ACOX3: variants seen among roughly 807,000 people sequenced by gnomAD.
ACOX3 encodes the protein peroxisomal acyl-coenzyme A oxidase 3.
A neutral mutation model predicts 81.5 loss-of-function variants in ACOX3; 73 were observed. The observed-to-expected ratio is 0.90, with a 90% CI of 0.74 to 1.09. The LOEUF (loss-of-function observed/expected upper bound fraction) is 1.09, where lower values mean the gene tolerates loss of function less well. Ranked by LOEUF, ACOX3 falls within the 50% of genes least tolerant of loss-of-function variation. The pLI, the probability that ACOX3 is intolerant of heterozygous loss-of-function variation, is 0.00. For synonymous variants in ACOX3, 387 were observed against 375.1 expected, an observed-to-expected ratio of 1.03 and a Z score of -0.37; for missense variants, 947 against 928.0, an observed-to-expected ratio of 1.02 and a Z score of -0.27.
In ACOX3 at chr4:8,366,921, CT is replaced by C; in HGVS notation, c.*39del. The C allele has an allele frequency of 6.2e-7, 1 of 1,610,038 alleles. No individual in the cohort carries two copies. The highest frequency in any genetic ancestry group is 8.5e-7 in the Non-Finnish European group (1 of 1,177,300). On this transcript the variant is annotated 3_prime_UTR_variant, in exon 18 of 18. Coordinates refer to ENST00000356406, the MANE Select transcript of ACOX3 (RefSeq NM_003501.3). ...TTGAGGTCCACGTCTGATTAGTTCCCTTCGTTTCATTAGACTTGGCTGAATG... is the reference window on the plus strand; with the variant it reads ...TTGAGGTCCACGTCTGATTAGTTCCCTCGTTTCATTAGACTTGGCTGAATG...
Position 8,440,665 on chromosome 4 carries a change from C to T in ACOX3, c.-32G>A, listed in dbSNP as rs986808081. The T allele has an allele frequency of 5.4e-6, 5 of 924,028 alleles. No individual in the cohort carries two copies. The highest frequency in any genetic ancestry group is 7.6e-6 in the Non-Finnish European group (5 of 656,624). 57.2% of individuals were successfully genotyped at this position (924,028 alleles called of 1,614,324 possible). On this transcript the variant is annotated 5_prime_UTR_variant, in exon 1 of 18. Coordinates refer to ENST00000356406, the MANE Select transcript of ACOX3 (RefSeq NM_003501.3). ...TTCCTCACCCACACACTCCACAGTT[C>T]AACCCCTGCCAGGGAAACCAAAAGC...
intron 13 of ACOX3, among the ~76,000 whole-genome samples, chr4:8,387,221 G>A (rs570639567): frequency 3.6e-4 from 55 of 152,354 alleles, no homozygotes; most frequent in African/African-American, 1.2e-3. Context: ...CTCAGTCCAC[G>A]GTACAAACAC....
rs1419304847 is a variant in ACOX3 at position 8,397,092 on chromosome 4, G to T, written c.901C>A (p.Leu301Met). Residue 301 changes from leucine to methionine, a missense_variant, in exon 9 of 18, where the codon CTG becomes ATG. By Grantham distance (15) the Leu-to-Met change is conservative (BLOSUM62 2). Transcript: ENST00000356406. Reference protein sequence around the residue: ...KDVRQRFGASLGSLSSGRVSI... With the variant: ...KDVRQRFGASMGSLSSGRVSI... ...ACCCGGCCCGAGGACAGGCTCCCCA[G>T]GGACGCTCCAAAGCGCTGCCTGACG... The T allele has an allele frequency of 6.3e-7, 1 of 1,582,902 alleles. No individual in the cohort carries two copies. The highest frequency in any genetic ancestry group is 8.6e-7 in the Non-Finnish European group (1 of 1,167,180).
At chr4:8,438,440 C>T (rs896856370) in intron 1 of ACOX3, among the ~76,000 whole-genome samples, 2 of 152,084 alleles carry the variant, frequency 1.3e-5, no homozygotes, top group African/African-American at 4.8e-5. Flanking sequence ...CAGGCTTTTG[C>T]CTATGGTCCT....
At position 8,435,263 on chromosome 4, in the gene ACOX3, G is replaced by A. The variant is rs1444923706; in HGVS notation, c.-15+5385C>T. 2.0e-5 allele frequency among the ~76,000 whole-genome samples: 3 copies of A among 152,186 alleles called. 1 individual carries two copies. The East Asian group carries it at 5.8e-4, about 29-fold the overall frequency. On this transcript the variant is annotated intron_variant, in intron 1 of 17. Transcript: ENST00000356406. ...CCCAGCACTTTGGGAGGCCGAGGCGGGCAGATCACGAGGTCAGGAGATTGA... is the reference window on the plus strand; with the variant it reads ...CCCAGCACTTTGGGAGGCCGAGGCGAGCAGATCACGAGGTCAGGAGATTGA...
intron 13 of ACOX3, among the ~76,000 whole-genome samples, chr4:8,388,143 G>A (rs1718530261): frequency 6.6e-6 from 1 of 152,068 alleles, no homozygotes; most frequent in Admixed American, 6.6e-5. Context: ...CCGTCCATCG[G>A]GGGTCCCCAT....
In ACOX3 at chr4:8,394,635, G is replaced by A. The variant is rs1161882636; in HGVS notation, c.1164C>T (p.Asp388=). 1.9e-6 allele frequency: 3 copies of A among 1,613,686 alleles called. No individual in the cohort carries two copies. Among genetic ancestry groups the A allele is most frequent in the Non-Finnish European group, 2.5e-6 (3 of 1,179,966 alleles). Residue 388 remains aspartate (D), a synonymous_variant, in exon 10 of 18, where the codon GAC becomes GAT. Coordinates refer to ENST00000356406, the MANE Select transcript of ACOX3 (RefSeq NM_003501.3). The surrounding 1 kb of genome is among the most constrained non-coding windows in gnomAD (Gnocchi z 5.9). ...ACCACCTCACCTGTCTGGCGCTGCG[G>A]TCTCCCGATGCAAGTCCTCGCTGGA... ...VELQRGLASG[D]RSARQAELGR... is the part of the protein sequence containing the mutation.
intron 9 of ACOX3, among the ~76,000 whole-genome samples, chr4:8,395,233 C>G (rs1039401971): frequency 9.6e-6 from 1 of 103,666 alleles, no homozygotes; most frequent in African/African-American, 3.8e-5. Flanking sequence ...GGATAGGGTC[C>G]ACCTATTGTT....
chr4:8,412,494 G>T (rs1040260353), intron 5 of ACOX3, among the ~76,000 whole-genome samples: 1 of 152,232 alleles, frequency 6.6e-6, no homozygotes, highest in Non-Finnish European at 1.5e-5. Flanking sequence ...ATGGATGAGA[G>T]AATGAATGGA....
Position 8,373,569 on chromosome 4 carries a change from A to G in ACOX3, c.1888T>C (p.Cys630Arg). ...EVLESAVLALCSQLKDDAVAL... is the reference protein window; with the variant it reads ...EVLESAVLALRSQLKDDAVAL... Reference sequence around the variant, plus strand: ...CAGCACCCACGGCTCACCTGGGAACACAAAGCCAGGACGGCGCTCTCCAAC... The same window carrying G: ...CAGCACCCACGGCTCACCTGGGAACGCAAAGCCAGGACGGCGCTCTCCAAC... Residue 630 changes from cysteine to arginine, a missense_variant, in exon 16 of 18, where the codon TGT (cysteine) becomes CGT (arginine). By Grantham distance (180) the Cys-to-Arg change is radical (BLOSUM62 -3). Coordinates refer to ENST00000356406, the MANE Select transcript of ACOX3 (RefSeq NM_003501.3). 2 of 1,613,916 alleles carry G rather than the reference A, an allele frequency of 1.2e-6. No homozygotes were observed. Among genetic ancestry groups the G allele is most frequent in the Non-Finnish European group, 1.7e-6 (2 of 1,179,984 alleles).
At position 8,432,069 on chromosome 4, in the gene ACOX3, G is replaced by C. The variant is rs969670082; in HGVS notation, c.-15+8579C>G. 6.6e-6 allele frequency among the ~76,000 whole-genome samples: 1 copy of C among 152,174 alleles called. No individual in the cohort carries two copies. Among genetic ancestry groups the C allele is most frequent in the African/African-American group, 2.4e-5 (1 of 41,440 alleles). ...AATGATCCATCACAGCTCAGCCACA[G>C]TCGTCACCACCACCCAGCAGCCACC... On this transcript the variant is annotated intron_variant, in intron 1 of 17. Transcript: ENST00000356406. The surrounding 1 kb of genome is among the most constrained non-coding windows in gnomAD (Gnocchi z 6.2).
chr4:8,396,610 G>C (rs1385101445), intron 9 of ACOX3, among the ~76,000 whole-genome samples: 1 of 151,306 alleles, frequency 6.6e-6, no homozygotes, highest in African/African-American at 2.4e-5. Flanking sequence ...CTGGGAGGCG[G>C]AGGTTGCAGT....
chr4:8,393,092 G>C (rs1405725203), intron 10 of ACOX3: 5 of 151,576 alleles, frequency 3.3e-5, no homozygotes, highest in African/African-American at 1.2e-4. Context: ...ATTTGGATGG[G>C]AGACCGCCTG....
chr4:8,414,792 A>G lies in ACOX3; in HGVS notation c.453+62T>C, dbSNP rs966410548. On this transcript the variant is annotated intron_variant, in intron 4 of 17. Coordinates refer to ENST00000356406, the MANE Select transcript of ACOX3 (RefSeq NM_003501.3). This position sits in a 1 kb window ranked among gnomAD's most constrained non-coding sequence, Gnocchi z 6.1. ...CCCTTCTACAATCTTCTCTTTTCAC[A>G]AATCTCTACAGAGATCAAGCAAGAG... is the stretch of plus-strand genomic sequence containing the variant. 1.0e-5 allele frequency: 16 copies of G among 1,537,924 alleles called. No homozygotes were observed. Among genetic ancestry groups the G allele is most frequent in the Non-Finnish European group, 1.3e-5 (15 of 1,111,356 alleles).
At chr4:8,371,681 C>T (rs1196495279) in intron 16 of ACOX3, among the ~76,000 whole-genome samples, 1 of 152,260 alleles carries the variant, frequency 6.6e-6, no homozygotes, top group Non-Finnish European at 1.5e-5. Flanking sequence ...CTGAGTGCAC[C>T]TCTGCGCTTC....
In ACOX3 at chr4:8,440,633, G is replaced by A. The variant is rs1724570727; in HGVS notation, c.-15+15C>T. The A allele has an allele frequency of 3.2e-6, 2 of 632,092 alleles. No individual in the cohort carries two copies. The highest frequency in any genetic ancestry group is 4.9e-6 in the Non-Finnish European group (2 of 407,208). 39.2% of individuals were successfully genotyped at this position (632,092 alleles called of 1,614,324 possible). On this transcript the variant is annotated intron_variant, in intron 1 of 17. Transcript: ENST00000356406. ...TTCTCTCAAAAGGGAATAAAACACA[G>A]GTCAAATTCCTCACCCACACACTCC...
chr4:8,373,661 G>C (rs1437085409), intron 15 of ACOX3, 33 bp from the exon 16 acceptor site: 13 of 1,595,854 alleles, frequency 8.1e-6, no homozygotes, highest in Non-Finnish European at 1.0e-5. Context: ...ATGGGGGCTG[G>C]GTCCAGTCCA....
chr4:8,393,612 C>T (rs1013593063), intron 10 of ACOX3, among the ~76,000 whole-genome samples: 1 of 115,558 alleles, frequency 8.7e-6, no homozygotes, highest in African/African-American at 3.3e-5. Context: ...AAGACACACA[C>T]ACGCACACAC....
chr4:8,379,473 G>T (rs774576929), intron 14 of ACOX3, among the ~76,000 whole-genome samples: 2 of 152,202 alleles, frequency 1.3e-5, no homozygotes, highest in Non-Finnish European at 2.9e-5. Context: ...CAGGGTCACC[G>T]TCTCAGCCGG....
Sources: allele counts gnomAD v4.1 joint callset (sites outside exome capture counted in the v4.1 genomes callset), GRCh38; gene constraint gnomAD v4.1.1; non-coding constraint Gnocchi (gnomAD v3.1); transcripts MANE v1.5; gene names NCBI Gene and HGNC (gene_info 2026-07-23, HGNC 2026-07-21).